TMEM220: variants seen among roughly 807,000 people sequenced by gnomAD.
TMEM220 encodes the protein transmembrane protein 220.
In TMEM220, 21 loss-of-function variants were observed where a neutral mutation model predicts 21.7. The observed-to-expected ratio is 0.97, with a 90% CI of 0.69 to 1.39. The LOEUF (loss-of-function observed/expected upper bound fraction) is 1.39. Among genes scored for constraint, TMEM220 ranks in the 40% most tolerant of loss-of-function variants. TMEM220 has a pLI of 0.00. For missense variants in TMEM220, 191 were observed against 201.9 expected, an observed-to-expected ratio of 0.95 and a Z score of 0.33; for synonymous variants, 80 against 73.6, an observed-to-expected ratio of 1.09 and a Z score of -0.45.
intron 2 of TMEM220, chr17:10,726,475 G>C (rs1047901406): frequency 1.7e-6 from 1 of 591,462 alleles, no homozygotes; most frequent in Non-Finnish European, 3.0e-6. Context: ...CTTCCTCCTA[G>C]ACTATAGGCT....
At chr17:10,726,123 C>T (rs2075045720) in intron 3 of TMEM220, 81 bp downstream of exon 3, 2 of 1,175,808 alleles carry the variant, frequency 1.7e-6, no homozygotes, top group East Asian at 2.3e-5. Flanking sequence ...CGTTTTACTC[C>T]TGGGAGTTGG....
intron 5 of TMEM220, among the ~76,000 whole-genome samples, chr17:10,719,928 T>A (rs1337691537): frequency 2.0e-5 from 3 of 152,130 alleles, no homozygotes; most frequent in African/African-American, 7.2e-5. Context: ...AAGATTTTTA[T>A]AGAAAAAGAA....
intron 5 of TMEM220, among the ~76,000 whole-genome samples, chr17:10,721,628 GAAAA>G (rs1406027297): frequency 1.9e-4 from 10 of 52,798 alleles, no homozygotes; most frequent in East Asian, 1.3e-3. Context: ...AAGAAAAAAA[GAAAA>G]AAAAGAAAAA....
downstream of TMEM220, among the ~76,000 whole-genome samples, chr17:10,712,449 T>C (rs1290205521): frequency 6.6e-6 from 1 of 152,170 alleles, no homozygotes; most frequent in Admixed American, 6.6e-5. Context: ...GACATGTATC[T>C]CTCTGAGGGC....
intron 5 of TMEM220, chr17:10,716,013 T>C (rs1367092388): frequency 3.9e-6 from 2 of 514,514 alleles, no homozygotes; most frequent in Non-Finnish European, 7.2e-6. Flanking sequence ...CACAAAATGT[T>C]CTTGATAATG....
chr17:10,729,765 C>A lies in TMEM220; in HGVS notation c.72+15G>T. ...GGGAGCCGGGCGGGTCCCCCTCCCA[C>A]CGCGGCCGCCTGACCTGCACCAAGG... On this transcript the variant is annotated intron_variant, in intron 1 of 5. Transcript: ENST00000341871. The A allele has an allele frequency of 7.4e-7, 1 of 1,359,080 alleles. No homozygotes were observed. The highest frequency in any genetic ancestry group is 9.5e-7 in the Non-Finnish European group (1 of 1,051,956). The allele number at this position is 1,359,080 out of a possible 1,614,324, so 84.2% of individuals were successfully genotyped here. A position where few individuals can be genotyped will look rare whatever the true frequency, so the allele number is the denominator to read the frequency against.
At chr17:10,726,653 T>A (rs145438692) in intron 2 of TMEM220, among the ~76,000 whole-genome samples, 63 of 152,320 alleles carry the variant, frequency 4.1e-4, no homozygotes, top group African/African-American at 1.5e-3. Context: ...GCAGCCACGA[T>A]GCTAGATGGC....
In TMEM220 at chr17:10,725,151, TG is replaced by T; in HGVS notation, c.164-18del. ...TAACATTACCTAAAAATAGATGTTC[TG>T]ATGTTGTTAACCACGGAATCACAGC... On this transcript the variant is annotated intron_variant, in intron 3 of 5. Coordinates refer to ENST00000341871, the MANE Select transcript of TMEM220 (RefSeq NM_001004313.3). 6.2e-7 allele frequency: 1 copy of T among 1,612,816 alleles called. No individual in the cohort carries two copies. Among genetic ancestry groups the T allele is most frequent in the East Asian group, 2.2e-5 (1 of 44,852 alleles).
chr17:10,729,423 A>G (rs2075093567), intron 1 of TMEM220, among the ~76,000 whole-genome samples: 1 of 152,176 alleles, frequency 6.6e-6, no homozygotes, highest in Non-Finnish European at 1.5e-5. Context: ...ATGATGCTAT[A>G]AAGGGTTTTG....
At chr17:10,716,244 G>A (rs1301993917) in intron 5 of TMEM220, 2 of 815,266 alleles carry the variant, frequency 2.5e-6, no homozygotes, top group Non-Finnish European at 4.1e-6. Flanking sequence ...CTCCAATAAT[G>A]ATTTCAAGCT....
chr17:10,719,308 T>C (rs2074960363), intron 5 of TMEM220, among the ~76,000 whole-genome samples: 1 of 152,144 alleles, frequency 6.6e-6, no homozygotes, highest in Non-Finnish European at 1.5e-5. Flanking sequence ...ACGGAGTCTC[T>C]CTCTGTCTCC....
At chr17:10,729,634 G>A (rs909890805) in intron 1 of TMEM220, 146 bp downstream of exon 1, 4 of 602,370 alleles carry the variant, frequency 6.6e-6, no homozygotes, top group East Asian at 7.0e-5. Flanking sequence ...GAAAGTGGGG[G>A]CTCCCCAAGC....
chr17:10,725,002 A>G lies in TMEM220; in HGVS notation c.287+9T>C. 1 of 1,614,106 alleles carries G rather than the reference A, an allele frequency of 6.2e-7. No homozygotes were observed. Among genetic ancestry groups the G allele is most frequent in the South Asian group, 1.1e-5 (1 of 91,082 alleles). The stretch of plus-strand genomic sequence containing the variant: ...TCTATCCCTCCACAGGGTAACCGTC[A>G]CCGCTCACCTGCCTTCTTCCTCATG... On this transcript the variant is annotated intron_variant, in intron 4 of 5. Coordinates refer to ENST00000341871, the MANE Select transcript of TMEM220 (RefSeq NM_001004313.3).
rs1467736191 is a variant in TMEM220 at position 10,715,303 on chromosome 17, A to C, written c.*150T>G. 2 of 629,454 alleles carry C rather than the reference A, an allele frequency of 3.2e-6. No individual in the cohort carries two copies. The highest frequency in any genetic ancestry group is 3.9e-5 in the African/African-American group (2 of 51,550). 39.0% of individuals were successfully genotyped at this position (629,454 alleles called of 1,614,324 possible). On this transcript the variant is annotated 3_prime_UTR_variant, in exon 6 of 6. Coordinates refer to ENST00000341871, the MANE Select transcript of TMEM220 (RefSeq NM_001004313.3). Reference sequence around the variant, plus strand: ...TCTCTTACTTGTCCCATCCAATCTTACATCGAATTATATGCACCCTTAAAA... The same window carrying C: ...TCTCTTACTTGTCCCATCCAATCTTCCATCGAATTATATGCACCCTTAAAA...
At chr17:10,720,583 GA>G (rs1270659394) in intron 5 of TMEM220, among the ~76,000 whole-genome samples, 1 of 152,020 alleles carries the variant, frequency 6.6e-6, no homozygotes, top group Non-Finnish European at 1.5e-5. Flanking sequence ...TGGAGAAGCC[GA>G]ATTTCTTTTA....
At chr17:10,720,723 T>G (rs1296040804) in intron 5 of TMEM220, among the ~76,000 whole-genome samples, 1 of 152,234 alleles carries the variant, frequency 6.6e-6, no homozygotes, top group Non-Finnish European at 1.5e-5. Context: ...ATTTACTTGG[T>G]GGGATTAGCA....
At chr17:10,716,621 G>T in intron 5 of TMEM220, 1 of 399,000 alleles carries the variant, frequency 2.5e-6, no homozygotes, top group Non-Finnish European at 5.0e-6. Context: ...GATCCCCTTG[G>T]AATTGATTTT....
chr17:10,720,494 GA>G (rs1318268199), intron 5 of TMEM220, among the ~76,000 whole-genome samples: 3 of 152,124 alleles, frequency 2.0e-5, no homozygotes, highest in Non-Finnish European at 4.4e-5. Context: ...TTGCTCCACT[GA>G]AAAATCATGG....
At chr17:10,727,206 G>A (rs408547) in intron 2 of TMEM220, among the ~76,000 whole-genome samples, 77,596 of 151,812 alleles carry the variant, frequency 0.51, 20,638 homozygotes, top group African/African-American at 0.66. Context: ...GGGGGGTCTC[G>A]CTATGTTGCA....
Sources: gnomAD v4.1 joint callset for allele counts (sites outside exome capture counted in the v4.1 genomes callset) on GRCh38, gnomAD v4.1.1 for gene constraint, MANE v1.5 for transcripts, NCBI Gene and HGNC (gene_info 2026-07-23, HGNC 2026-07-21) for gene names.